TENM1: variants seen among roughly 807,000 people sequenced by gnomAD.
The protein encoded by TENM1 is teneurin-1.
A neutral mutation model predicts 174.8 loss-of-function variants in TENM1; 35 were observed. That is an observed-to-expected ratio of 0.20 (90% CI 0.15 to 0.27). The LOEUF (loss-of-function observed/expected upper bound fraction) is 0.27, where lower values mean the gene tolerates loss of function less well. Ranked by LOEUF, TENM1 falls within the 10% of genes least tolerant of loss-of-function variation. The pLI is 1.00. For missense variants in TENM1, 1,633 were observed against 2,130.1 expected (o/e 0.77, Z 4.59); for synonymous variants, 781 against 798.7 (o/e 0.98, Z 0.37).
chrX:124,508,297 T>C (rs1462117905), intron 18 of TENM1, among the ~76,000 whole-genome samples: 3 of 112,580 alleles, frequency 2.7e-5, no homozygotes, highest in Non-Finnish European at 5.6e-5. Flanking sequence ...CTATTATTCC[T>C]AGCTTACTAA....
At chrX:124,950,547 G>C (rs989452409) in intron 1 of TENM1, among the ~76,000 whole-genome samples, 49 of 111,952 alleles carry the variant, frequency 4.4e-4, no homozygotes, top group African/African-American at 1.5e-3. Flanking sequence ...ACTTCTTTTG[G>C]AAATAGTGAT....
At chrX:125,043,348 G>T in the TENM1 span, among the ~76,000 whole-genome samples, 1 of 50,632 alleles carries the variant, frequency 2.0e-5, no homozygotes, top group Non-Finnish European at 3.6e-5. Flanking sequence ...CAAAAAGTGG[G>T]CGAAGGACAT....
chrX:124,442,750 C>A (rs987951977), intron 23 of TENM1, among the ~76,000 whole-genome samples: 2 of 111,030 alleles, frequency 1.8e-5, no homozygotes, highest in African/African-American at 6.6e-5. Context: ...GCAGCCTTGT[C>A]CCCTGGGTTA....
intron 11 of TENM1, among the ~76,000 whole-genome samples, chrX:124,570,568 T>C (rs2049034651): frequency 9.0e-6 from 1 of 111,367 alleles, no homozygotes; most frequent in Admixed American, 9.5e-5. Flanking sequence ...AATTAACAAA[T>C]GTAATTCATC....
intron 3 of TENM1, among the ~76,000 whole-genome samples, chrX:124,813,096 T>A (rs891875486): frequency 2.7e-5 from 3 of 111,353 alleles, no homozygotes; most frequent in African/African-American, 9.7e-5. Context: ...ATAAATAGTA[T>A]CTACAAATCA....
the TENM1 span, among the ~76,000 whole-genome samples, chrX:125,199,419 CAT>C: frequency 8.9e-6 from 1 of 112,386 alleles, no homozygotes; most frequent in African/African-American, 3.2e-5. Context: ...AGATTTTTAA[CAT>C]GTTTTTATGT....
At chrX:124,807,635 A>C (rs2055637540) in intron 3 of TENM1, among the ~76,000 whole-genome samples, 1 of 111,643 alleles carries the variant, frequency 9.0e-6, no homozygotes, top group African/African-American at 3.3e-5. Context: ...TAACCTGTTA[A>C]GTGGTATGCA....
chrX:124,646,229 C>T (rs2051154830), intron 9 of TENM1, among the ~76,000 whole-genome samples: 1 of 112,363 alleles, frequency 8.9e-6, no homozygotes, highest in Admixed American at 9.5e-5. Flanking sequence ...CCAGTCGTTA[C>T]TTTGTAGGCT....
At chrX:124,587,453 T>C (rs113327585) in intron 11 of TENM1, among the ~76,000 whole-genome samples, 1,104 of 109,685 alleles carry the variant, frequency 0.01, 24 homozygotes, top group African/African-American at 0.035. Context: ...ATTCCCTATT[T>C]AATAAATGGT....
chrX:125,139,823 AACACAC>A, the TENM1 span, among the ~76,000 whole-genome samples: 8 of 78,529 alleles, frequency 1.0e-4, no homozygotes, highest in South Asian at 8.2e-4. Context: ...AGCTGCCCTC[AACACAC>A]ACACACACAC....
chrX:124,892,727 C>T (rs1016353094), intron 3 of TENM1, among the ~76,000 whole-genome samples: 2 of 111,432 alleles, frequency 1.8e-5, no homozygotes, highest in Admixed American at 9.5e-5. Flanking sequence ...ACTGCCTCAT[C>T]GATAATCTAA....
intron 3 of TENM1, among the ~76,000 whole-genome samples, chrX:124,813,943 G>A (rs1182053566): frequency 2.7e-5 from 3 of 111,728 alleles, no homozygotes; most frequent in East Asian, 5.6e-4. Flanking sequence ...AAAAAGAAGT[G>A]TCTTAATGAA....
intron 3 of TENM1, among the ~76,000 whole-genome samples, chrX:124,771,333 T>C (rs1489359573): frequency 1.8e-5 from 2 of 112,634 alleles, no homozygotes; most frequent in East Asian, 2.8e-4. Flanking sequence ...CAATTTAAAA[T>C]AGTTTCATTA....
At chrX:124,420,814 A>C (rs1426893646) in exon 25 of TENM1, 1 of 1,206,057 alleles carries the variant, frequency 8.3e-7, no homozygotes, top group Admixed American at 2.2e-5. Flanking sequence ...TGGCATAGCC[A>C]CCATCACCTG....
At chrX:124,597,254 C>CA (rs1331078355) in intron 11 of TENM1, among the ~76,000 whole-genome samples, 1 of 111,610 alleles carries the variant, frequency 9.0e-6, no homozygotes, top group Non-Finnish European at 1.9e-5. Flanking sequence ...TGTGCAATTG[C>CA]AAAAATATGG....
At chrX:124,805,071 G>C (rs1473401344) in intron 3 of TENM1, among the ~76,000 whole-genome samples, 1 of 111,808 alleles carries the variant, frequency 8.9e-6, no homozygotes, top group Non-Finnish European at 1.9e-5. Flanking sequence ...TGTCTTCCAT[G>C]TGTTGGTAAA....
In TENM1 at chrX:124,683,934, A is replaced by G. The variant is rs556944157; in HGVS notation, c.1016-12099T>C. ...AATAATATGGCAGTATTTTAGTTTC[A>G]TTATTTTTGTATGGTTTGAAACTGT... On this transcript the variant is annotated intron_variant, in intron 5 of 31. Transcript: ENST00000422452. 5.8e-4 allele frequency among the ~76,000 whole-genome samples: 65 copies of G among 112,266 alleles called. 2 individuals carry two copies. In the South Asian group the frequency reaches 0.024, roughly 42 times the overall value.
chrX:125,122,240 T>C, the TENM1 span, among the ~76,000 whole-genome samples: 1 of 112,045 alleles, frequency 8.9e-6, no homozygotes, highest in Non-Finnish European at 1.9e-5. Context: ...CCTGTTAATA[T>C]ATTAATGGTT....
intron 27 of TENM1, among the ~76,000 whole-genome samples, chrX:124,396,701 T>C (rs2060339090): frequency 2.7e-5 from 3 of 111,502 alleles, no homozygotes; most frequent in Admixed American, 9.5e-5. Flanking sequence ...TGGGCAAGGC[T>C]GAGAAAGCTC....
Sources: allele counts gnomAD v4.1 joint callset (sites outside exome capture counted in the v4.1 genomes callset), GRCh38; gene constraint gnomAD v4.1.1; transcripts MANE v1.5; gene names NCBI Gene and HGNC (gene_info 2026-07-23, HGNC 2026-07-21).